The following FRMD4A variants were observed in gnomAD, a reference collection of about 807,000 sequenced individuals.
FRMD4A encodes the protein FERM domain containing 4A, also known as FERM domain-containing protein 4A.
FRMD4A carries 29 observed loss-of-function variants against 129.1 expected under a neutral mutation model. The ratio of observed to expected loss-of-function variants is 0.22; its 90% confidence interval spans 0.17 to 0.31. The LOEUF (loss-of-function observed/expected upper bound fraction) is 0.31, where lower values mean the gene tolerates loss of function less well. FRMD4A is among the 10% of genes least tolerant of loss of function. The pLI is 1.00. For missense variants in FRMD4A, 1,272 were observed against 1,375.8 expected (o/e 0.92, Z 1.19); for synonymous variants, 634 against 571.6 (o/e 1.11, Z -1.56).
At chr10:13,764,184 CGTGTGTGTGTGTGTGT>C (rs369852562) in intron 6 of FRMD4A, among the ~76,000 whole-genome samples, 1 of 141,692 alleles carries the variant, frequency 7.1e-6, no homozygotes. Context: ...CAAAGATTTC[CGTGTGTGTGTGTGTGT>C]GTGTGTGTGT....
At chr10:14,022,000 CAG>C (rs1832781139) in intron 2 of FRMD4A, among the ~76,000 whole-genome samples, 1 of 151,892 alleles carries the variant, frequency 6.6e-6, no homozygotes, top group African/African-American at 2.4e-5. Context: ...TTTACAATAA[CAG>C]TAAAAATATA....
intron 2 of FRMD4A, among the ~76,000 whole-genome samples, chr10:14,119,987 G>A (rs1287774201): frequency 6.9e-6 from 1 of 145,486 alleles, no homozygotes; most frequent in Non-Finnish European, 1.5e-5. Flanking sequence ...GAAGTTCAAT[G>A]TCATCTGCTT....
intron 2 of FRMD4A, among the ~76,000 whole-genome samples, chr10:14,242,888 A>G (rs1375523600): frequency 6.6e-6 from 1 of 152,244 alleles, no homozygotes; most frequent in Non-Finnish European, 1.5e-5. Flanking sequence ...TTGTAGATAT[A>G]GATCAAGAGG....
chr10:14,147,790 G>A (rs1190810412), intron 2 of FRMD4A, among the ~76,000 whole-genome samples: 2 of 152,050 alleles, frequency 1.3e-5, no homozygotes, highest in East Asian at 3.9e-4. Context: ...GACTGGTACT[G>A]GTCCACAGCC....
At chr10:13,670,577 G>T (rs370013067) in intron 16 of FRMD4A, 49 bp from the exon 17 acceptor site, 3 of 1,599,034 alleles carry the variant, frequency 1.9e-6, no homozygotes, top group African/African-American at 2.7e-5. Context: ...AGAGTGGGGC[G>T]TGTCTGCTTC....
intron 3 of FRMD4A, among the ~76,000 whole-genome samples, chr10:13,832,198 G>A (rs1021582225): frequency 6.6e-6 from 1 of 151,956 alleles, no homozygotes; most frequent in Non-Finnish European, 1.5e-5. Flanking sequence ...GCCTGCTTTC[G>A]GCTGCTCCCT....
At chr10:13,781,609 C>T (rs908776102) in intron 6 of FRMD4A, among the ~76,000 whole-genome samples, 2 of 152,028 alleles carry the variant, frequency 1.3e-5, no homozygotes, top group African/African-American at 4.8e-5. Context: ...AACTCCTGAC[C>T]TCAGGTGATC....
At chr10:14,194,939 A>G (rs1403908915) in intron 2 of FRMD4A, among the ~76,000 whole-genome samples, 1 of 152,218 alleles carries the variant, frequency 6.6e-6, no homozygotes, top group Non-Finnish European at 1.5e-5. Flanking sequence ...TTAGCTTGAA[A>G]TCATGAACTA....
chr10:13,862,701 T>C (rs1476350662), intron 2 of FRMD4A, among the ~76,000 whole-genome samples: 3 of 152,234 alleles, frequency 2.0e-5, no homozygotes, highest in Non-Finnish European at 4.4e-5. Flanking sequence ...AGCTTTCTTT[T>C]GACAGCACTG....
chr10:14,073,162 C>T lies in FRMD4A; in HGVS notation c.46-214250G>A, dbSNP rs146254126. Among the ~76,000 whole-genome samples, 926 of 152,258 alleles carry T rather than the reference C, an allele frequency of 6.1e-3. 15 individuals carry two copies. Among genetic ancestry groups the T allele is most frequent in the African/African-American group, 0.021 (879 of 41,538 alleles). On this transcript the variant is annotated intron_variant, in intron 2 of 24. Transcript: ENST00000357447. ...CATCTCTCAGCTCAGAGGTTGGTGA[C>T]AGGTGGTGTCTTTTATTCATATGCC...
Position 13,791,919 on chromosome 10 carries a change from C to T in FRMD4A, c.299+4577G>A, listed in dbSNP as rs146650563. 6.0e-3 allele frequency among the ~76,000 whole-genome samples: 913 copies of T among 152,274 alleles called. 6 individuals carry two copies. Among genetic ancestry groups the T allele is most frequent in the Middle Eastern group, 0.027 (8 of 294 alleles). ...TCAAAGAATACCTTCCGGCGGGTCT[C>T]CACAGTGTCAGATAATGCAGAAAAT... is the stretch of plus-strand genomic sequence containing the variant. On this transcript the variant is annotated intron_variant, in intron 5 of 24. Transcript: ENST00000357447.
intron 2 of FRMD4A, among the ~76,000 whole-genome samples, chr10:13,895,710 CT>C (rs2094749831): frequency 1.3e-5 from 2 of 152,146 alleles, no homozygotes; most frequent in Admixed American, 6.5e-5. Context: ...GCAAAAGAAA[CT>C]ATCATCAGAG....
chr10:14,177,354 G>C (rs1463683579), intron 2 of FRMD4A, among the ~76,000 whole-genome samples: 1 of 151,902 alleles, frequency 6.6e-6, no homozygotes, highest in Non-Finnish European at 1.5e-5. Flanking sequence ...TGTATTTTCA[G>C]TAGAGATGGG....
intron 2 of FRMD4A, among the ~76,000 whole-genome samples, chr10:13,902,023 T>G (rs1265212057): frequency 6.6e-6 from 1 of 152,152 alleles, no homozygotes; most frequent in African/African-American, 2.4e-5. Context: ...TTTTGTATAT[T>G]TGTTTGTTTT....
chr10:14,011,783 T>C lies in FRMD4A; in HGVS notation c.46-152871A>G, dbSNP rs371678326. On this transcript the variant is annotated intron_variant, in intron 2 of 24. Transcript: ENST00000357447. Reference sequence around the variant, plus strand: ...CAGCACTTTGGGACTCAGAGGTAGGTGGATCACCTGAGGTCAGGAGTTCAA... The same window carrying C: ...CAGCACTTTGGGACTCAGAGGTAGGCGGATCACCTGAGGTCAGGAGTTCAA... 3.4e-3 allele frequency among the ~76,000 whole-genome samples: 521 copies of C among 151,636 alleles called. 1 individual carries two copies. Among genetic ancestry groups the C allele is most frequent in the African/African-American group, 0.011 (472 of 41,332 alleles).
intron 20 of FRMD4A, 84 bp downstream of exon 20, chr10:13,660,232 C>T (rs573624083): frequency 1.1e-5 from 10 of 876,862 alleles, no homozygotes; most frequent in South Asian, 6.1e-5. Context: ...ATTTTGTCAC[C>T]GTGGATGCTA....
chr10:14,312,477 C>A (rs533628377), intron 2 of FRMD4A, among the ~76,000 whole-genome samples: 1 of 152,218 alleles, frequency 6.6e-6, no homozygotes, highest in East Asian at 1.9e-4. Context: ...TACCTTTGAT[C>A]CAGCATCATC....
At chr10:13,789,114 T>G (rs2092934199) in intron 5 of FRMD4A, among the ~76,000 whole-genome samples, 1 of 127,108 alleles carries the variant, frequency 7.9e-6, no homozygotes, top group Non-Finnish European at 1.8e-5. Flanking sequence ...AGCAATAAGC[T>G]GTGAGTTTCT....
At chr10:13,718,381 C>T (rs1279797103) in intron 12 of FRMD4A, among the ~76,000 whole-genome samples, 1 of 152,248 alleles carries the variant, frequency 6.6e-6, no homozygotes, top group Admixed American at 6.5e-5. Flanking sequence ...GGTGGGCCTG[C>T]CCCGCTCCAG....
Sources: allele counts gnomAD v4.1 joint callset (sites outside exome capture counted in the v4.1 genomes callset), GRCh38; gene constraint gnomAD v4.1.1; transcripts MANE v1.5; gene names NCBI Gene and HGNC (gene_info 2026-07-23, HGNC 2026-07-21).